Variants in RASSF3 observed in about 807,000 individuals in gnomAD.
RASSF3 encodes the protein ras association domain-containing protein 3.
In RASSF3, 19 loss-of-function variants were observed where a neutral mutation model predicts 19.9. That is an observed-to-expected ratio of 0.96 (90% confidence interval 0.67 to 1.40). The LOEUF (loss-of-function observed/expected upper bound fraction) is 1.40. Among genes scored for constraint, RASSF3 ranks in the 40% most tolerant of loss-of-function variants. The probability of loss-of-function intolerance (pLI) is 0.00; values close to 1 mark genes in which losing one functional copy is unlikely to be tolerated. For missense variants in RASSF3, 306 were observed against 289.8 expected, an observed-to-expected ratio of 1.06 and a Z score of -0.41; for synonymous variants, 110 against 104.2, an observed-to-expected ratio of 1.06 and a Z score of -0.34.
rs540288730 is a variant in RASSF3 at position 64,667,099 on chromosome 12, G to A, written c.112-17688G>A. Among the ~76,000 whole-genome samples the A allele has an allele frequency of 3.3e-5, 5 of 152,174 alleles. No homozygotes were observed. In the South Asian group the frequency reaches 1.0e-3, roughly 32 times the overall value. ...GCTGGGGGCAGGTCTGCAAGAAATG[G>A]GGGGGTGTGGAGAAGGTTACCAGCC... On this transcript the variant is annotated intron_variant, in intron 1 of 4. Coordinates refer to ENST00000542104, the MANE Select transcript of RASSF3 (RefSeq NM_178169.4).
upstream of RASSF3, among the ~76,000 whole-genome samples, chr12:64,607,277 C>CAA (rs1239058842): frequency 8.1e-6 from 1 of 123,954 alleles, no homozygotes; most frequent in Admixed American, 8.2e-5. Context: ...GGCCCTGTCT[C>CAA]AAAAAAAAAA....
At chr12:64,689,786 TAA>T (rs1868254183) in intron 3 of RASSF3, among the ~76,000 whole-genome samples, 1 of 113,572 alleles carries the variant, frequency 8.8e-6, no homozygotes, top group Non-Finnish European at 1.9e-5. Flanking sequence ...GCTAATTCGC[TAA>T]TTCTTTTTTT....
At chr12:64,625,962 C>T (rs1421100013) in intron 1 of RASSF3, among the ~76,000 whole-genome samples, 2 of 152,122 alleles carry the variant, frequency 1.3e-5, no homozygotes, top group Non-Finnish European at 2.9e-5. Context: ...CTTCCTAGTC[C>T]TACAGGCCGG....
chr12:64,678,489 A>G (rs1592464742), intron 1 of RASSF3, among the ~76,000 whole-genome samples: 2 of 152,132 alleles, frequency 1.3e-5, no homozygotes, highest in Admixed American at 1.3e-4. Flanking sequence ...TGGCAGTGTG[A>G]TGGTACCACT....
chr12:64,684,341 C>T (rs1229671688), intron 1 of RASSF3, among the ~76,000 whole-genome samples: 1 of 151,774 alleles, frequency 6.6e-6, no homozygotes, highest in Non-Finnish European at 1.5e-5. Flanking sequence ...TCCTTGGCCT[C>T]TCAAAGTCCT....
chr12:64,662,726 G>C (rs1034216851), intron 1 of RASSF3, among the ~76,000 whole-genome samples: 1 of 152,122 alleles, frequency 6.6e-6, no homozygotes, highest in Non-Finnish European at 1.5e-5. Flanking sequence ...TCTTGTTTCC[G>C]TGTGAAATGT....
At chr12:64,655,568 C>T (rs939057819) in intron 1 of RASSF3, among the ~76,000 whole-genome samples, 15 of 152,054 alleles carry the variant, frequency 9.9e-5, no homozygotes, top group Non-Finnish European at 1.5e-4. Flanking sequence ...CTGCCTCGGC[C>T]TCCCAAATTA....
chr12:64,610,831 G>C (rs1870328092), intron 1 of RASSF3, 88 bp downstream of exon 1: 2 of 718,282 alleles, frequency 2.8e-6, no homozygotes, highest in Admixed American at 7.0e-5. Flanking sequence ...ACGTGTCTCT[G>C]CGGGGCGCTC....
chr12:64,638,512 G>A (rs1341105560), intron 1 of RASSF3, among the ~76,000 whole-genome samples: 4 of 151,594 alleles, frequency 2.6e-5, no homozygotes, highest in Admixed American at 1.3e-4. Context: ...CCCAGGAGGC[G>A]GAGCTTGCGG....
chr12:64,586,491 G>GAAAAAAAAA (rs10708538), intron 2 of RASSF3, among the ~76,000 whole-genome samples: 40 of 70,110 alleles, frequency 5.7e-4, no homozygotes, highest in Non-Finnish European at 6.9e-4. Flanking sequence ...CTCCTTCTCA[G>GAAAAAAAAA]AAAAAAAAAA....
At chr12:64,511,876 C>G (rs1868330800) in intron 1 of RASSF3, among the ~76,000 whole-genome samples, 1 of 152,206 alleles carries the variant, frequency 6.6e-6, no homozygotes, top group Non-Finnish European at 1.5e-5. Flanking sequence ...CAGACAGTCT[C>G]TTTACACTAA....
At chr12:64,592,289 T>C (rs1167494513) in intron 2 of RASSF3, among the ~76,000 whole-genome samples, 1 of 152,226 alleles carries the variant, frequency 6.6e-6, no homozygotes, top group African/African-American at 2.4e-5. Context: ...TGATTTATCC[T>C]GGAGGTTATT....
intron 2 of RASSF3, among the ~76,000 whole-genome samples, chr12:64,549,540 A>G (rs1029013350): frequency 2.0e-5 from 3 of 152,174 alleles, no homozygotes; most frequent in African/African-American, 7.2e-5. Flanking sequence ...AATACCAGCT[A>G]ATTTCACACA....
chr12:64,615,678 TC>T (rs1188288169), intron 1 of RASSF3, among the ~76,000 whole-genome samples: 1 of 149,182 alleles, frequency 6.7e-6, no homozygotes, highest in African/African-American at 2.6e-5. Context: ...CTAGCCTTTT[TC>T]TTTTTTTTTT....
At chr12:64,507,575 T>C (rs1050757461) in intron 1 of RASSF3, 2 of 306,982 alleles carry the variant, frequency 6.5e-6, no homozygotes, top group African/African-American at 4.3e-5. Context: ...TTTTTAGGCA[T>C]TTTGATTCCG....
chr12:64,643,609 A>T (rs1386068060), intron 1 of RASSF3, among the ~76,000 whole-genome samples: 1 of 152,108 alleles, frequency 6.6e-6, no homozygotes, highest in East Asian at 1.9e-4. Context: ...AACAGCATGT[A>T]TAATGTATCA....
At chr12:64,563,131 TA>T in intron 2 of RASSF3, among the ~76,000 whole-genome samples, 1 of 152,164 alleles carries the variant, frequency 6.6e-6, no homozygotes, top group African/African-American at 2.4e-5. Context: ...AGCCACATAA[TA>T]TTTTTTTCTT....
chr12:64,610,195 G>T (rs923051437), upstream of RASSF3, among the ~76,000 whole-genome samples: 1 of 152,208 alleles, frequency 6.6e-6, no homozygotes, highest in Admixed American at 6.5e-5. Context: ...ACGGCTCGCA[G>T]AGGAATTTGC....
At chr12:64,609,921 C>T (rs543165484), upstream of RASSF3, among the ~76,000 whole-genome samples, 1 of 152,306 alleles carries the variant, frequency 6.6e-6, no homozygotes, top group East Asian at 1.9e-4. Flanking sequence ...TGTTTTCATT[C>T]GAATAAACTC....
Sources: gnomAD v4.1 joint callset for allele counts (sites outside exome capture counted in the v4.1 genomes callset) on GRCh38, gnomAD v4.1.1 for gene constraint, MANE v1.5 for transcripts, NCBI Gene and HGNC (gene_info 2026-07-23, HGNC 2026-07-21) for gene names.